Variants in PDE10A observed in about 807,000 individuals in gnomAD.
PDE10A encodes the protein phosphodiesterase 10A.
A neutral mutation model predicts 97.7 loss-of-function variants in PDE10A; 39 were observed. The observed-to-expected ratio is 0.40, with a 90% CI of 0.31 to 0.52. The LOEUF is 0.52. PDE10A is among the 20% of genes least tolerant of loss of function. The probability of loss-of-function intolerance (pLI) is 0.56; values close to 1 mark genes in which losing one functional copy is unlikely to be tolerated. For missense variants in PDE10A, 731 were observed against 1,047.8 expected, an observed-to-expected ratio of 0.70 and a Z score of 4.17; for synonymous variants, 371 against 376.8, an observed-to-expected ratio of 0.98 and a Z score of 0.18.
intron 1 of PDE10A, among the ~76,000 whole-genome samples, chr6:165,967,181 G>A (rs886702235): frequency 6.6e-6 from 1 of 152,162 alleles, no homozygotes; most frequent in Non-Finnish European, 1.5e-5. Context: ...TGAGACAAAG[G>A]GAATCTTGAC....
chr6:165,881,846 T>C (rs1419660887), intron 1 of PDE10A, among the ~76,000 whole-genome samples: 1 of 152,174 alleles, frequency 6.6e-6, no homozygotes, highest in Admixed American at 6.5e-5. Context: ...CCATCATACA[T>C]ATATATTTTT....
At chr6:165,972,987 C>T (rs1784732773) in intron 1 of PDE10A, among the ~76,000 whole-genome samples, 1 of 152,098 alleles carries the variant, frequency 6.6e-6, no homozygotes, top group Non-Finnish European at 1.5e-5. Context: ...CTTCCCCTCA[C>T]CGTCTCCCTC....
intron 1 of PDE10A, among the ~76,000 whole-genome samples, chr6:165,734,178 AC>A (rs1396787941): frequency 6.6e-6 from 1 of 152,220 alleles, no homozygotes; most frequent in East Asian, 1.9e-4. Context: ...TGATAAAAAC[AC>A]AATCCTCACA....
chr6:165,789,699 G>A (rs1323170970), intron 1 of PDE10A, among the ~76,000 whole-genome samples: 1 of 152,134 alleles, frequency 6.6e-6, no homozygotes, highest in South Asian at 2.1e-4. Flanking sequence ...AACGCCGTGC[G>A]GTCACTAGAG....
At chr6:165,566,089 A>G (rs1195236679) in intron 1 of PDE10A, among the ~76,000 whole-genome samples, 1 of 152,224 alleles carries the variant, frequency 6.6e-6, no homozygotes, top group African/African-American at 2.4e-5. Context: ...GTTGTACTTC[A>G]GTAAAATTAA....
At chr6:165,667,047 G>A (rs939379251), upstream of PDE10A, among the ~76,000 whole-genome samples, 4 of 152,116 alleles carry the variant, frequency 2.6e-5, no homozygotes, top group Non-Finnish European at 4.4e-5. Context: ...TGTTGTTATA[G>A]TCAAACCTAA....
chr6:165,461,153 A>T (rs1275259316), intron 3 of PDE10A, among the ~76,000 whole-genome samples: 2 of 152,202 alleles, frequency 1.3e-5, no homozygotes, highest in East Asian at 3.8e-4. Flanking sequence ...GTAAATGGAG[A>T]ATGTTAACTG....
At chr6:165,983,197 G>T (rs1432113575) in intron 1 of PDE10A, among the ~76,000 whole-genome samples, 3 of 152,148 alleles carry the variant, frequency 2.0e-5, no homozygotes, top group Admixed American at 1.3e-4. Flanking sequence ...AAGCAGGCCG[G>T]ATCTATTAAG....
chr6:165,729,360 T>C (rs767846174), intron 1 of PDE10A, among the ~76,000 whole-genome samples: 2 of 152,224 alleles, frequency 1.3e-5, no homozygotes, highest in Non-Finnish European at 2.9e-5. Context: ...TTAAACATTT[T>C]TTGAATAAAA....
At chr6:165,399,927 T>G (rs1244939883) in intron 13 of PDE10A, among the ~76,000 whole-genome samples, 1 of 152,202 alleles carries the variant, frequency 6.6e-6, no homozygotes, top group African/African-American at 2.4e-5. Context: ...TTATAATCCT[T>G]TGGGTATATA....
intron 17 of PDE10A, among the ~76,000 whole-genome samples, chr6:165,386,737 T>A (rs1785327230): frequency 6.6e-6 from 1 of 151,956 alleles, no homozygotes; most frequent in South Asian, 2.1e-4. Context: ...GCGCGGTGGC[T>A]CACGCCTGTA....
chr6:165,651,349 T>TA (rs1326410562), intron 1 of PDE10A, among the ~76,000 whole-genome samples: 3 of 152,354 alleles, frequency 2.0e-5, no homozygotes, highest in Non-Finnish European at 4.4e-5. Flanking sequence ...TTCTTTTTTT[T>TA]AGTCATGTCC....
chr6:165,492,754 A>G (rs556406186), intron 2 of PDE10A, among the ~76,000 whole-genome samples: 1 of 152,302 alleles, frequency 6.6e-6, no homozygotes, highest in South Asian at 2.1e-4. Flanking sequence ...TGAAAAACTG[A>G]AAGCATTCCT....
At chr6:165,600,071 A>G (rs1386268809) in intron 1 of PDE10A, among the ~76,000 whole-genome samples, 2 of 152,076 alleles carry the variant, frequency 1.3e-5, no homozygotes, top group Non-Finnish European at 2.9e-5. Context: ...TCCTCGCCAC[A>G]CCGCACCTCA....
intron 2 of PDE10A, among the ~76,000 whole-genome samples, chr6:165,542,780 G>A (rs7769461): frequency 0.01 from 1,542 of 151,740 alleles, 23 homozygotes; most frequent in African/African-American, 0.035. Context: ...CACCATGCCC[G>A]GCTAATTTTT....
intron 18 of PDE10A, among the ~76,000 whole-genome samples, chr6:165,358,852 A>G (rs1047354604): frequency 6.6e-6 from 1 of 151,728 alleles, no homozygotes; most frequent in Non-Finnish European, 1.5e-5. Context: ...ATAAATATGC[A>G]TATTCTAATC....
At chr6:165,561,454 C>A (rs1784519361) in intron 1 of PDE10A, among the ~76,000 whole-genome samples, 1 of 152,164 alleles carries the variant, frequency 6.6e-6, no homozygotes, top group South Asian at 2.1e-4. Flanking sequence ...AATAAGCCTA[C>A]AGTTCAATGC....
intron 3 of PDE10A, among the ~76,000 whole-genome samples, chr6:165,477,896 T>G (rs2128278147): frequency 6.6e-6 from 1 of 152,302 alleles, no homozygotes; most frequent in African/African-American, 2.4e-5. Context: ...TGATTTCTCC[T>G]TCTTTCTCTC....
At chr6:165,471,013 T>C (rs1778968071) in intron 3 of PDE10A, among the ~76,000 whole-genome samples, 1 of 152,114 alleles carries the variant, frequency 6.6e-6, no homozygotes, top group African/African-American at 2.4e-5. Flanking sequence ...ATAAAACAAT[T>C]GTATCTATTG....
Sources: allele counts gnomAD v4.1 joint callset (sites outside exome capture counted in the v4.1 genomes callset), GRCh38; gene constraint gnomAD v4.1.1; transcripts MANE v1.5; gene names NCBI Gene and HGNC (gene_info 2026-07-23, HGNC 2026-07-21).